Variants in RHOD observed in about 807,000 individuals in gnomAD.
RHOD encodes the protein ras homolog family member D, also known as rho-related GTP-binding protein RhoD.
A neutral mutation model predicts 16.7 loss-of-function variants in RHOD; 11 were observed. That is an observed-to-expected ratio of 0.66 (90% CI 0.41 to 1.09). RHOD has a LOEUF of 1.09. RHOD is among the 50% of genes least tolerant of loss of function. RHOD has a pLI of 0.00. For missense variants in RHOD, 271 were observed against 291.7 expected (o/e 0.93, Z 0.52); for synonymous variants, 124 against 126.3 (o/e 0.98, Z 0.12).
In RHOD at chr11:67,066,744, A is replaced by T. The variant is rs143950918; in HGVS notation, c.227A>T (p.Asp76Val). Reference protein sequence around the residue: ...HLHIWDTAGQDDYDRLRPLFY... With the variant: ...HLHIWDTAGQVDYDRLRPLFY... ...CCACCTCCACTCTGCCCAGGGCAAG[A>T]TGACTATGACCGCCTGCGGCCCCTG... The change falls in exon 3 of 5, where the codon GAT becomes GTT. Residue 76 changes from aspartate (D) to valine (V), a missense_variant. Transcript: ENST00000308831. 1.1e-5 allele frequency: 18 copies of T among 1,610,816 alleles called. No homozygotes were observed. Among genetic ancestry groups the T allele is most frequent in the East Asian group, 2.2e-5 (1 of 44,856 alleles).
At chr11:67,071,054 G>A (rs1403769667) in intron 4 of RHOD, among the ~76,000 whole-genome samples, 1 of 152,026 alleles carries the variant, frequency 6.6e-6, no homozygotes, top group Non-Finnish European at 1.5e-5. Context: ...GCAAAATAGC[G>A]AGACCCTGTC....
intron 1 of RHOD, among the ~76,000 whole-genome samples, chr11:67,062,617 C>G (rs539133549): frequency 1.3e-5 from 2 of 152,224 alleles, no homozygotes; most frequent in Admixed American, 1.3e-4. Flanking sequence ...CTCCCCACCC[C>G]ACTCCCTGCA....
rs369125041 is a variant in RHOD at position 67,071,484 on chromosome 11, C to T, written c.515C>T (p.Ser172Leu). 13 of 1,608,782 alleles carry T rather than the reference C, an allele frequency of 8.1e-6. No homozygotes were observed. The highest frequency in any genetic ancestry group is 9.3e-6 in the Non-Finnish European group (11 of 1,178,706). Residue 172 changes from serine to leucine, a missense_variant, in exon 5 of 5, where the codon TCG becomes TTG. Coordinates refer to ENST00000308831, the MANE Select transcript of RHOD (RefSeq NM_014578.4). Reference sequence around the variant, plus strand: ...GGCGCGGTGGCCTACCTCGAGTGCTCGGCTCGGCTCCATGACAACGTCCAC... The same window carrying T: ...GGCGCGGTGGCCTACCTCGAGTGCTTGGCTCGGCTCCATGACAACGTCCAC... ...SVGAVAYLEC[S>L]ARLHDNVHAV...
intron 2 of RHOD, 28 bp downstream of exon 2, chr11:67,066,011 GGA>G: frequency 1.0e-6 from 1 of 997,596 alleles, no homozygotes; most frequent in Non-Finnish European, 1.6e-6. Flanking sequence ...GGGCAGGGTG[GGA>G]GGGGCTTCTG....
chr11:67,060,871 G>A (rs1042001490), intron 1 of RHOD, among the ~76,000 whole-genome samples: 4 of 152,232 alleles, frequency 2.6e-5, no homozygotes, highest in Admixed American at 2.6e-4. Context: ...GATCAAGAAG[G>A]TGACTGAGTG....
intron 3 of RHOD, among the ~76,000 whole-genome samples, chr11:67,069,727 C>G (rs1279035197): frequency 6.6e-6 from 1 of 151,584 alleles, no homozygotes; most frequent in Non-Finnish European, 1.5e-5. Context: ...GAGTTTCACT[C>G]TGTCGCCCAG....
intron 3 of RHOD, among the ~76,000 whole-genome samples, chr11:67,068,042 G>A (rs1383110602): frequency 7.2e-5 from 11 of 152,002 alleles, no homozygotes; most frequent in African/African-American, 2.2e-4. Flanking sequence ...CTCGTGATCC[G>A]CCCGCCTCGG....
chr11:67,063,574 G>C (rs1590670005), intron 1 of RHOD, among the ~76,000 whole-genome samples: 2 of 151,024 alleles, frequency 1.3e-5, no homozygotes, highest in African/African-American at 4.9e-5. Flanking sequence ...GAGGCAGGTG[G>C]ATCACTTGAG....
chr11:67,059,825 A>C (rs1854864711), intron 1 of RHOD, among the ~76,000 whole-genome samples: 2 of 152,188 alleles, frequency 1.3e-5, no homozygotes, highest in South Asian at 4.1e-4. Context: ...TCCTCTAGGC[A>C]GCCCTCGAAG....
intron 1 of RHOD, among the ~76,000 whole-genome samples, chr11:67,060,476 C>T (rs1449870556): frequency 2.0e-5 from 3 of 152,126 alleles, no homozygotes; most frequent in South Asian, 2.1e-4. Context: ...GATGACGTCC[C>T]GAGTGGGGGA....
Sources: gnomAD v4.1 joint callset for allele counts (sites outside exome capture counted in the v4.1 genomes callset) on GRCh38, gnomAD v4.1.1 for gene constraint, MANE v1.5 for transcripts, NCBI Gene and HGNC (gene_info 2026-07-23, HGNC 2026-07-21) for gene names.